Variants in POT1 observed in about 807,000 individuals in gnomAD.
The protein encoded by POT1 is protection of telomeres protein 1.
A neutral mutation model predicts 78.5 loss-of-function variants in POT1; 47 were observed. The ratio of observed to expected loss-of-function variants is 0.60; its 90% CI spans 0.47 to 0.76. The LOEUF (loss-of-function observed/expected upper bound fraction) is 0.76, where lower values mean the gene tolerates loss of function less well. Ranked by LOEUF, POT1 falls within the 30% of genes least tolerant of loss-of-function variation. The pLI is 0.00. For synonymous variants in POT1, 259 were observed against 260.7 expected (o/e 0.99, Z 0.06); for missense variants, 646 against 749.9 (o/e 0.86, Z 1.62).
At chr7:124,834,126 A>ACCATAAATTAGT (rs1471928635) in intron 15 of POT1, among the ~76,000 whole-genome samples, 1 of 152,028 alleles carries the variant, frequency 6.6e-6, no homozygotes, top group African/African-American at 2.4e-5. Flanking sequence ...AAAGACTTAA[A>ACCATAAATTAGT]TGTAAGACCT....
rs1584758519 is a variant in POT1, at chr7:124,842,964, C to T, written c.1007-1G>A. The T allele has an allele frequency of 5.2e-6, 8 of 1,546,346 alleles. No individual in the cohort carries two copies. The highest frequency in any genetic ancestry group is 6.1e-6 in the Non-Finnish European group (7 of 1,151,228). On this transcript the variant is annotated splice_acceptor_variant, in intron 12 of 18. Coordinates refer to ENST00000357628, the MANE Select transcript of POT1 (RefSeq NM_015450.3). LOFTEE classifies it high-confidence loss of function. Reference sequence around the variant, plus strand: ...TCCAAATACTGATGATCTGTAAGTACTGTAAAGAATTTTTATATTCAATCA... The same window carrying T: ...TCCAAATACTGATGATCTGTAAGTATTGTAAAGAATTTTTATATTCAATCA...
chr7:124,863,547 G>A lies in POT1; in HGVS notation c.349C>T (p.Arg117Cys), dbSNP rs780936436. ...AAGTTAAAATACTTGCTTGAAGTGC[G>A]AGGTATGATAGGGGCTCCCAAAGTT... is the stretch of plus-strand genomic sequence containing the variant. ...EGTLGAPIIP[R>C]TSSKYFNFTT... is the part of the protein sequence containing the mutation. The change falls in exon 8 of 19, where the codon CGC becomes TGC. Residue 117 changes from arginine (R) to cysteine (C), a missense_variant. Around this residue, in one of 2 missense-constraint regions of POT1, gnomAD observed 252 missense variants for 341.4 expected, o/e 0.74. Coordinates refer to ENST00000357628, the MANE Select transcript of POT1 (RefSeq NM_015450.3). 1.2e-6 allele frequency: 2 copies of A among 1,613,864 alleles called. No homozygotes were observed. The highest frequency in any genetic ancestry group is 1.7e-6 in the Non-Finnish European group (2 of 1,179,830).
At chr7:124,869,658 C>T (rs1795819886) in intron 7 of POT1, among the ~76,000 whole-genome samples, 1 of 152,156 alleles carries the variant, frequency 6.6e-6, no homozygotes, top group South Asian at 2.1e-4. Context: ...TCTTGGCTCA[C>T]CACAACCTCC....
chr7:124,883,783 G>A (rs1796178977), intron 6 of POT1, among the ~76,000 whole-genome samples: 1 of 151,390 alleles, frequency 6.6e-6, no homozygotes, highest in South Asian at 2.1e-4. Context: ...AGGCTTTTTT[G>A]TTTTAAAATG....
intron 14 of POT1, among the ~76,000 whole-genome samples, chr7:124,838,808 T>C (rs2116454713): frequency 6.6e-6 from 1 of 152,250 alleles, no homozygotes; most frequent in African/African-American, 2.4e-5. Context: ...TTTCTTCATG[T>C]TGGTCAGGCT....
chr7:124,911,411 G>A (rs151303839), intron 3 of POT1, among the ~76,000 whole-genome samples: 1 of 152,012 alleles, frequency 6.6e-6, no homozygotes, highest in African/African-American at 2.4e-5. Flanking sequence ...CTTCTTTGTA[G>A]TATATTTGTC....
chr7:124,863,152 C>T (rs758361493), intron 8 of POT1, among the ~76,000 whole-genome samples, 198 bp downstream of exon 8: 4 of 151,788 alleles, frequency 2.6e-5, no homozygotes, highest in Non-Finnish European at 2.9e-5. Flanking sequence ...CTATATTTCT[C>T]TGGAAGGAAA....
intron 13 of POT1, among the ~76,000 whole-genome samples, chr7:124,842,303 T>G (rs1457769269): frequency 6.6e-6 from 1 of 151,986 alleles, no homozygotes; most frequent in Non-Finnish European, 1.5e-5. Flanking sequence ...ATACATTTAT[T>G]ACATATTTAT....
chr7:124,892,466 T>C (rs925714939), intron 5 of POT1, 86 bp from the exon 6 acceptor site: 3 of 670,038 alleles, frequency 4.5e-6, no homozygotes, highest in Non-Finnish European at 7.0e-6. Context: ...AGCAAATCCA[T>C]GTAACTATTT....
chr7:124,907,348 G>A lies in POT1; in HGVS notation c.-154+8226C>T, dbSNP rs536625738. ...CAAATAGAATATTTACTGCAAACCA[G>A]TCTCAGAGAAGAAAAATGAAGTCAG... On this transcript the variant is annotated intron_variant, in intron 3 of 18. Transcript: ENST00000357628. Among the ~76,000 whole-genome samples, 4 of 152,120 alleles carry A rather than the reference G, an allele frequency of 2.6e-5. No homozygotes were observed. In the South Asian group the frequency reaches 8.3e-4, roughly 32 times the overall value.
At chr7:124,824,856 T>C (rs915216246) in intron 18 of POT1, among the ~76,000 whole-genome samples, 45 of 60,332 alleles carry the variant, frequency 7.5e-4, no homozygotes, top group African/African-American at 2.0e-3. Context: ...AATCTGAAAC[T>C]AGTTAACAAT....
At chr7:124,917,365 C>T (rs778857384) in intron 2 of POT1, among the ~76,000 whole-genome samples, 6 of 152,056 alleles carry the variant, frequency 3.9e-5, no homozygotes, top group African/African-American at 1.2e-4. Flanking sequence ...CAACCATCTC[C>T]GATCCTACAT....
intron 3 of POT1, among the ~76,000 whole-genome samples, chr7:124,910,332 G>A (rs1240434194): frequency 6.6e-6 from 1 of 151,886 alleles, no homozygotes; most frequent in Non-Finnish European, 1.5e-5. Context: ...AGAAAAAAAA[G>A]GTGTGGAGAT....
chr7:124,890,307 A>C (rs183026067), intron 6 of POT1, among the ~76,000 whole-genome samples: 41 of 152,052 alleles, frequency 2.7e-4, no homozygotes, highest in Admixed American at 1.1e-3. Flanking sequence ...CAACAGATGA[A>C]GAGTTGCTTC....
At chr7:124,827,734 C>T (rs761409912) in intron 16 of POT1, among the ~76,000 whole-genome samples, 9 of 152,038 alleles carry the variant, frequency 5.9e-5, no homozygotes, top group Non-Finnish European at 8.8e-5. Context: ...TAAATATTAA[C>T]GTATTTAAAA....
At chr7:124,844,532 C>T (rs965716877) in intron 12 of POT1, among the ~76,000 whole-genome samples, 1 of 149,972 alleles carries the variant, frequency 6.7e-6, no homozygotes, top group East Asian at 2.0e-4. Context: ...GTCAAGAGAG[C>T]GAGACCATCC....
At chr7:124,861,104 TC>T (rs2116533896) in intron 8 of POT1, among the ~76,000 whole-genome samples, 1 of 152,330 alleles carries the variant, frequency 6.6e-6, no homozygotes, top group Admixed American at 6.5e-5. Context: ...TGATTTATAA[TC>T]CTTTGGGTAT....
intron 1 of POT1, chr7:124,929,310 G>A (rs1797350135): frequency 6.7e-6 from 1 of 149,280 alleles, no homozygotes; most frequent in Admixed American, 6.7e-5. Flanking sequence ...GGAAGAGGGA[G>A]GCTGAAAAAT....
intron 13 of POT1, among the ~76,000 whole-genome samples, chr7:124,841,730 T>G (rs1257134634): frequency 6.6e-6 from 1 of 152,042 alleles, no homozygotes; most frequent in Non-Finnish European, 1.5e-5. Flanking sequence ...GCCAGTTAAC[T>G]GTGTAACTTT....
Sources: gnomAD v4.1 joint callset for allele counts (sites outside exome capture counted in the v4.1 genomes callset) on GRCh38, gnomAD v4.1.1 for gene constraint, gnomAD v4.1.1 regional missense constraint, MANE v1.5 for transcripts, NCBI Gene and HGNC (gene_info 2026-07-23, HGNC 2026-07-21) for gene names.